Variants in FKBP4 observed in about 807,000 individuals in gnomAD.
The protein encoded by FKBP4 is peptidyl-prolyl cis-trans isomerase FKBP4.
In FKBP4, 28 loss-of-function variants were observed where a neutral mutation model predicts 54.1. The ratio of observed to expected loss-of-function variants is 0.52; its 90% CI spans 0.38 to 0.71. The LOEUF (loss-of-function observed/expected upper bound fraction) is 0.71. Ranked by LOEUF, FKBP4 falls within the 30% of genes least tolerant of loss-of-function variation. The pLI is 0.00. For synonymous variants in FKBP4, 223 were observed against 216.1 expected (o/e 1.03, Z -0.28); for missense variants, 493 against 574.4 (o/e 0.86, Z 1.45).
rs1422358647 is a variant in FKBP4, at chr12:2,798,480, C to T, written c.394-226C>T. ...GAGCAGGTAGCAAATAGATTGCTCT[C>T]CTCAGCTTAACTGAAATCTATGTAG... On this transcript the variant is annotated intron_variant, in intron 3 of 9. Coordinates refer to ENST00000001008, the MANE Select transcript of FKBP4 (RefSeq NM_002014.4). This position sits in a 1 kb window ranked among gnomAD's most constrained non-coding sequence, Gnocchi z 4.3. 2.0e-5 allele frequency among the ~76,000 whole-genome samples: 3 copies of T among 152,164 alleles called. No homozygotes were observed. The highest frequency in any genetic ancestry group is 2.9e-5 in the Non-Finnish European group (2 of 68,040).
Position 2,800,102 on chromosome 12 carries a change from C to T in FKBP4, c.826C>T (p.Arg276Trp), listed in dbSNP as rs372836178. Residue 276 changes from arginine to tryptophan, a missense_variant, in exon 7 of 10, where the codon CGG (arginine) becomes TGG (tryptophan). Physicochemically the swap from Arg to Trp is moderately radical, Grantham distance 101. Transcript: ENST00000001008. The stretch of plus-strand genomic sequence containing the variant: ...GGAACAGAGCACCATAGTGAAAGAG[C>T]GGGGCACTGTGTACTTCAAGGTGAG... ...KLEQSTIVKE[R>W]GTVYFKEGKY... The T allele has an allele frequency of 2.7e-5, 43 of 1,613,296 alleles. No individual in the cohort carries two copies. The highest frequency in any genetic ancestry group is 3.3e-5 in the Admixed American group (2 of 59,998).
chr12:2,800,892 C>T (rs1178724181), intron 8 of FKBP4, among the ~76,000 whole-genome samples: 3 of 152,238 alleles, frequency 2.0e-5, no homozygotes, highest in Non-Finnish European at 4.4e-5. Flanking sequence ...TGTCTGAAGT[C>T]TTTATTTCAT....
intron 5 of FKBP4, 59 bp from the exon 6 acceptor site, chr12:2,799,791 T>A (rs2097903741): frequency 1.4e-6 from 2 of 1,455,814 alleles, no homozygotes; most frequent in Non-Finnish European, 1.9e-6. Context: ...GGAAGCCTTT[T>A]CAGCCTGGAG....
At chr12:2,799,532 A>G (rs945992386) in intron 5 of FKBP4, among the ~76,000 whole-genome samples, 4 of 152,250 alleles carry the variant, frequency 2.6e-5, no homozygotes, top group Non-Finnish European at 2.9e-5. Context: ...ACTACATGCC[A>G]GGCACTGCTG....
rs1273190147 is a variant in FKBP4 at position 2,795,059 on chromosome 12, C to T, written c.-81C>T. 6 of 871,008 alleles carry T rather than the reference C, an allele frequency of 6.9e-6. No individual in the cohort carries two copies. The highest frequency in any genetic ancestry group is 9.1e-6 in the Non-Finnish European group (6 of 660,150). 54.0% of individuals were successfully genotyped at this position (871,008 alleles called of 1,614,324 possible). On this transcript the variant is annotated 5_prime_UTR_variant, in exon 1 of 10. Coordinates refer to ENST00000001008, the MANE Select transcript of FKBP4 (RefSeq NM_002014.4). The surrounding 1 kb of genome is among the most constrained non-coding windows in gnomAD (Gnocchi z 4.3). ...CGCCGCGCCCGGCCTCCCGCACGCC[C>T]CGCAGGTAGCGCCCCCGCCCGCGGC... is the stretch of plus-strand genomic sequence containing the variant.
chr12:2,801,357 G>T lies in FKBP4; in HGVS notation c.1272+1G>T. On this transcript the variant is annotated splice_donor_variant, in intron 9 of 9. Transcript: ENST00000001008. LOFTEE classifies it high-confidence loss of function. Reference sequence around the variant, plus strand: ...GAGGCTGGCTGAGGAGGAGAACAAGGTGAGGATTGGGGTGGGGAACAGTTG... The same window carrying T: ...GAGGCTGGCTGAGGAGGAGAACAAGTTGAGGATTGGGGTGGGGAACAGTTG... 3 of 1,614,112 alleles carry T rather than the reference G, an allele frequency of 1.9e-6. No individual in the cohort carries two copies. Among genetic ancestry groups the T allele is most frequent in the Non-Finnish European group, 2.5e-6 (3 of 1,180,002 alleles).
At position 2,800,092 on chromosome 12, in the gene FKBP4, A is replaced by G; in HGVS notation, c.816A>G (p.Ile272Met). Reference sequence around the variant, plus strand: ...AAGAGAAGCTGGAACAGAGCACCATAGTGAAAGAGCGGGGCACTGTGTACT... The same window carrying G: ...AAGAGAAGCTGGAACAGAGCACCATGGTGAAAGAGCGGGGCACTGTGTACT... ...NSEEKLEQST[I>M]VKERGTVYFK... The change falls in exon 7 of 10, where the codon ATA becomes ATG. Residue 272 changes from isoleucine to methionine, a missense_variant. Ile to Met is a conservative substitution (Grantham distance 10). Coordinates refer to ENST00000001008, the MANE Select transcript of FKBP4 (RefSeq NM_002014.4). The G allele has an allele frequency of 6.2e-7, 1 of 1,613,816 alleles. No homozygotes were observed. Among genetic ancestry groups the G allele is most frequent in the Non-Finnish European group, 8.5e-7 (1 of 1,180,020 alleles).
rs150316795 is a variant in FKBP4, at chr12:2,800,406, G to C, written c.861G>C (p.Lys287Asn). 1 of 1,610,916 alleles carries C rather than the reference G, an allele frequency of 6.2e-7. No homozygotes were observed. The highest frequency in any genetic ancestry group is 8.5e-7 in the Non-Finnish European group (1 of 1,178,574). ...TCCCATTCCAGGAAGGTAAATACAA[G>C]CAAGCTTTACTACAGTATAAGAAGA... The part of the protein sequence containing the change: ...GTVYFKEGKY[K>N]QALLQYKKIV... The change falls in exon 8 of 10, where the codon AAG becomes AAC. Residue 287 changes from lysine (K) to asparagine (N), a missense_variant. By Grantham distance (94) the Lys-to-Asn change is moderately conservative. Coordinates refer to ENST00000001008, the MANE Select transcript of FKBP4 (RefSeq NM_002014.4).
rs2153918656 is a variant in FKBP4 at position 2,795,273 on chromosome 12, T to G, written c.105+29T>G. 1.6e-6 allele frequency: 2 copies of G among 1,214,246 alleles called. No homozygotes were observed. The highest frequency in any genetic ancestry group is 2.1e-6 in the Non-Finnish European group (2 of 956,018). 75.2% of individuals were successfully genotyped at this position (1,214,246 alleles called of 1,614,324 possible). On this transcript the variant is annotated intron_variant, in intron 1 of 9. Transcript: ENST00000001008. The surrounding 1 kb of genome is among the most constrained non-coding windows in gnomAD (Gnocchi z 4.3). ...AGGGGCGGCGGGGCCTGCGGAGGCG[T>G]CGGAACCCGGGGCCCCGCGGGCCGC...
At position 2,799,127 on chromosome 12, in the gene FKBP4, A is replaced by G; in HGVS notation, c.554A>G (p.Gln185Arg). The change falls in exon 5 of 10, where the codon CAG (glutamine) becomes CGG (arginine). Residue 185 changes from glutamine to arginine, a missense_variant. Coordinates refer to ENST00000001008, the MANE Select transcript of FKBP4 (RefSeq NM_002014.4). ...TACTACAAGGACAAGCTCTTTGACC[A>G]GCGGGAGCTCCGCTTTGAGATTGGC... ...EGYYKDKLFD[Q>R]RELRFEIGEG... 6.4e-7 allele frequency: 1 copy of G among 1,573,606 alleles called. No homozygotes were observed. The highest frequency in any genetic ancestry group is 8.6e-7 in the Non-Finnish European group (1 of 1,163,418).
rs905749603 is a variant in FKBP4 at position 2,805,221 on chromosome 12, T to G, written c.*1963T>G. ...TGGAAAGGTGAGGTCTCTGAACTAATCCAGACTCTCCCATGAGGTTCCTTT... is the reference window on the plus strand; with the variant it reads ...TGGAAAGGTGAGGTCTCTGAACTAAGCCAGACTCTCCCATGAGGTTCCTTT... On this transcript the variant is annotated 3_prime_UTR_variant, in exon 10 of 10. Transcript: ENST00000001008. 1 of 455,586 alleles carries G rather than the reference T, an allele frequency of 2.2e-6. No individual in the cohort carries two copies. Among genetic ancestry groups the G allele is most frequent in the Non-Finnish European group, 4.4e-6 (1 of 226,696 alleles). 28.2% of individuals were successfully genotyped at this position (455,586 alleles called of 1,614,324 possible).
chr12:2,801,705 G>A (rs1348576273), intron 9 of FKBP4: 1 of 450,690 alleles, frequency 2.2e-6, no homozygotes, highest in South Asian at 1.6e-5. Context: ...AGTGACTTAG[G>A]ATGGCACCAC....
At chr12:2,799,534 G>C (rs539989654) in intron 5 of FKBP4, among the ~76,000 whole-genome samples, 1 of 152,284 alleles carries the variant, frequency 6.6e-6, no homozygotes, top group South Asian at 2.1e-4. Flanking sequence ...TACATGCCAG[G>C]CACTGCTGAA....
In FKBP4 at chr12:2,795,508, C is replaced by G. The variant is rs2097901185; in HGVS notation, c.105+264C>G. 1 of 146,992 alleles carries G rather than the reference C, an allele frequency of 6.8e-6. No individual in the cohort carries two copies. The highest frequency in any genetic ancestry group is 2.5e-5 in the African/African-American group (1 of 40,680). 9.1% of individuals were successfully genotyped at this position (146,992 alleles called of 1,614,324 possible). ...GCTCCCCAGCCGGCAGCGCCCGGGCCCGGGCAGGGGGTCGGGATTGCAGTG... is the reference window on the plus strand; with the variant it reads ...GCTCCCCAGCCGGCAGCGCCCGGGCGCGGGCAGGGGGTCGGGATTGCAGTG... On this transcript the variant is annotated intron_variant, in intron 1 of 9. Coordinates refer to ENST00000001008, the MANE Select transcript of FKBP4 (RefSeq NM_002014.4). This position sits in a 1 kb window ranked among gnomAD's most constrained non-coding sequence, Gnocchi z 4.3.
Position 2,804,234 on chromosome 12 carries a change from A to G in FKBP4, c.*976A>G, listed in dbSNP as rs781230211. The G allele has an allele frequency of 6.6e-6, 1 of 152,164 alleles. No individual in the cohort carries two copies. The highest frequency in any genetic ancestry group is 6.5e-5 in the Admixed American group (1 of 15,284). The allele number at this position is 152,164 out of a possible 1,614,324, so 9.4% of individuals were successfully genotyped here. On this transcript the variant is annotated 3_prime_UTR_variant, in exon 10 of 10. Transcript: ENST00000001008. ...TTAGTGCCTCTGGTTTTCTTCCCTG[A>G]CACTTAGGAAGACGAAAGTATAAAG...
Position 2,798,742 on chromosome 12 carries a change from G to T in FKBP4, c.430G>T (p.Glu144Ter). The T allele has an allele frequency of 6.2e-7, 1 of 1,614,122 alleles. No individual in the cohort carries two copies. The highest frequency in any genetic ancestry group is 8.5e-7 in the Non-Finnish European group (1 of 1,180,038). ...TGAGTTTAAGGGAGAAGATCTGACG[G>T]AAGAGGAAGATGGCGGAATCATTCG... ...LFEFKGEDLT[E>*]EEDGGIIRRI... Residue 144 changes from glutamate to a stop codon, truncating the protein, a stop_gained, in exon 4 of 10, where the codon GAA (glutamate) becomes TAA (stop). Transcript: ENST00000001008. LOFTEE classifies it high-confidence loss of function. This position sits in a 1 kb window ranked among gnomAD's most constrained non-coding sequence, Gnocchi z 4.3.
chr12:2,800,550 C>T lies in FKBP4; in HGVS notation c.1005C>T (p.Phe335=). 1 of 1,612,478 alleles carries T rather than the reference C, an allele frequency of 6.2e-7. No homozygotes were observed. Among genetic ancestry groups the T allele is most frequent in the African/African-American group, 1.3e-5 (1 of 74,966 alleles). The part of the protein sequence containing the change: ...LAMCHLKLQA[F]SAAIESCNKA... The stretch of plus-strand genomic sequence containing the variant: ...TGTGTCATCTGAAACTACAGGCCTT[C>T]TCTGCTGCCATTGAAAGCTGTAACA... The change falls in exon 8 of 10, where the codon TTC becomes TTT. Residue 335 remains phenylalanine, a synonymous_variant. Transcript: ENST00000001008.
chr12:2,802,752 G>A (rs1443344846), intron 9 of FKBP4, among the ~76,000 whole-genome samples: 1 of 151,962 alleles, frequency 6.6e-6, no homozygotes, highest in Non-Finnish European at 1.5e-5. Flanking sequence ...TTGAGACAGT[G>A]TCTCTTGCCC....
intron 1 of FKBP4, chr12:2,796,412 C>T (rs1008572403): frequency 7.8e-6 from 10 of 1,285,342 alleles, no homozygotes; most frequent in Middle Eastern, 2.1e-4. Context: ...TCCCTTTTAC[C>T]TTTCTACTCC....
Sources: allele counts gnomAD v4.1 joint callset (sites outside exome capture counted in the v4.1 genomes callset), GRCh38; gene constraint gnomAD v4.1.1; non-coding constraint Gnocchi (gnomAD v3.1); transcripts MANE v1.5; gene names NCBI Gene and HGNC (gene_info 2026-07-23, HGNC 2026-07-21).